Variants in NF2 observed in about 807,000 individuals in gnomAD.
NF2 encodes merlin.
NF2 carries 8 observed loss-of-function variants against 83.7 expected under a neutral mutation model. The observed-to-expected ratio is 0.10, with a 90% CI of 0.06 to 0.17. The LOEUF is 0.17. Ranked by LOEUF, NF2 falls within the 10% of genes least tolerant of loss-of-function variation. NF2 has a pLI of 1.00. For missense variants in NF2, 533 were observed against 744.4 expected (o/e 0.72, Z 3.31); for synonymous variants, 266 against 269.6 (o/e 0.99, Z 0.13).
intron 1 of NF2, among the ~76,000 whole-genome samples, chr22:29,607,736 A>G (rs1046596905): frequency 6.6e-6 from 1 of 152,212 alleles, no homozygotes; most frequent in Non-Finnish European, 1.5e-5. Context: ...ATATATTCAC[A>G]GTACTATATA....
intron 4 of NF2, 137 bp from the exon 5 acceptor site, chr22:29,654,520 A>G (rs981165420): frequency 1.5e-5 from 11 of 758,042 alleles, no homozygotes; most frequent in Non-Finnish European, 2.4e-5. Context: ...ACAAACTAGC[A>G]AGGTTGAAAT....
chr22:29,618,309 G>GGA, intron 1 of NF2, among the ~76,000 whole-genome samples: 1 of 152,226 alleles, frequency 6.6e-6, no homozygotes, highest in African/African-American at 2.4e-5. Flanking sequence ...TGAAAAAAAA[G>GGA]GAGAGAGAGA....
rs530886264 is a variant in NF2 at position 29,682,967 on chromosome 22, T to C, written c.1737+1366T>C. 9 of 1,605,482 alleles carry C rather than the reference T, an allele frequency of 5.6e-6. 1 individual carries two copies. In the Middle Eastern group the frequency reaches 5.0e-4, roughly 89 times the overall value. On this transcript the variant is annotated intron_variant, in intron 15 of 15. Transcript: ENST00000338641. The stretch of plus-strand genomic sequence containing the variant: ...TTTGCAGATGGCACTTATGGCATTG[T>C]TGATATCACAGGGTATGTTTTTGTT...
intron 4 of NF2, among the ~76,000 whole-genome samples, chr22:29,652,002 C>G (rs933223402): frequency 6.6e-6 from 1 of 152,008 alleles, no homozygotes; most frequent in African/African-American, 2.4e-5. Context: ...ATAATAATAC[C>G]TGACTTTCAC....
chr22:29,641,780 C>T (rs1160607347), intron 3 of NF2, among the ~76,000 whole-genome samples: 1 of 152,070 alleles, frequency 6.6e-6, no homozygotes, highest in Non-Finnish European at 1.5e-5. Context: ...AACTCAGTGG[C>T]CTTGGTGACT....
intron 2 of NF2, 33 bp from the exon 3 acceptor site, chr22:29,639,057 A>C: frequency 6.2e-7 from 1 of 1,614,178 alleles, no homozygotes; most frequent in Non-Finnish European, 8.5e-7. Context: ...GTGCCAATAT[A>C]GTGTGTTTGT....
At chr22:29,678,871 G>A (rs1002127399) in intron 14 of NF2, among the ~76,000 whole-genome samples, 6 of 152,230 alleles carry the variant, frequency 3.9e-5, no homozygotes, top group African/African-American at 4.8e-5. Flanking sequence ...GCTGCCCTCC[G>A]TCTTCCCTTT....
intron 10 of NF2, among the ~76,000 whole-genome samples, chr22:29,668,661 T>A (rs1461276741): frequency 5.9e-5 from 9 of 152,214 alleles, no homozygotes; most frequent in African/African-American, 2.2e-4. Flanking sequence ...AAAAGAAACA[T>A]CTCTAGTAAT....
intron 11 of NF2, among the ~76,000 whole-genome samples, chr22:29,672,164 T>C (rs1200187670): frequency 1.3e-5 from 2 of 152,196 alleles, no homozygotes; most frequent in Non-Finnish European, 2.9e-5. Context: ...CACCACGAGG[T>C]TGCCTTTATA....
intron 1 of NF2, among the ~76,000 whole-genome samples, chr22:29,623,379 C>T (rs949281389): frequency 2.6e-5 from 4 of 152,030 alleles, no homozygotes; most frequent in Non-Finnish European, 5.9e-5. Context: ...AAGTGGTTGG[C>T]ATGCAAAATG....
chr22:29,639,203 C>T lies in NF2; in HGVS notation c.354C>T (p.Phe118=), dbSNP rs756564761. 6.9e-5 allele frequency: 112 copies of T among 1,614,042 alleles called. No homozygotes were observed. Among genetic ancestry groups the T allele is most frequent in the Non-Finnish European group, 7.8e-5 (92 of 1,180,012 alleles). ...ELVQEITQHL[F]FLQVKKQILD... Reference sequence around the variant, plus strand: ...TTCAGGAGATCACACAACATTTATTCTTCTTACAGGTACATCAGTCAAGGC... The same window carrying T: ...TTCAGGAGATCACACAACATTTATTTTTCTTACAGGTACATCAGTCAAGGC... Residue 118 remains phenylalanine (F), a synonymous_variant, in exon 3 of 16, where the codon TTC becomes TTT. Transcript: ENST00000338641.
intron 14 of NF2, among the ~76,000 whole-genome samples, chr22:29,678,940 C>G (rs1456042143): frequency 6.6e-6 from 1 of 152,242 alleles, no homozygotes; most frequent in African/African-American, 2.4e-5. Context: ...CAGAGGAAAT[C>G]TAAGCGAGGG....
intron 3 of NF2, among the ~76,000 whole-genome samples, chr22:29,641,838 A>G (rs2065818550): frequency 1.3e-5 from 2 of 152,176 alleles, no homozygotes; most frequent in East Asian, 1.9e-4. Flanking sequence ...CTCTGGGGCC[A>G]TGCATATTCA....
chr22:29,673,301 T>C lies in NF2; in HGVS notation c.1155T>C (p.Ala385=), dbSNP rs745717285. Residue 385 remains alanine (A), a synonymous_variant, in exon 12 of 16, where the codon GCT becomes GCC. Transcript: ENST00000338641. ...MRSEETADLL[A]EKAQITEEEA... The stretch of plus-strand genomic sequence containing the variant: ...CTGAGGAGACAGCTGACCTGTTGGC[T>C]GAAAAGGCCCAGATCACCGAGGAGG... 6 of 1,587,604 alleles carry C rather than the reference T, an allele frequency of 3.8e-6. No individual in the cohort carries two copies. The highest frequency in any genetic ancestry group is 5.1e-6 in the Non-Finnish European group (6 of 1,167,556).
At chr22:29,641,003 C>A (rs1363671375) in intron 3 of NF2, among the ~76,000 whole-genome samples, 3 of 152,134 alleles carry the variant, frequency 2.0e-5, no homozygotes, top group Non-Finnish European at 4.4e-5. Flanking sequence ...CATGGTGGCA[C>A]ATGCCTGTAA....
rs193085141 is a variant in NF2, at chr22:29,605,408, C to T, written c.114+1296C>T. On this transcript the variant is annotated intron_variant, in intron 1 of 15. Transcript: ENST00000338641. ...TCGAACTCCTGACCTCGTGACCAGC[C>T]GACCTGGGCCTCCCAAAGTGGTGGG... Among the ~76,000 whole-genome samples the T allele has an allele frequency of 1.2e-4, 19 of 152,126 alleles. No homozygotes were observed. The South Asian group carries it at 2.9e-3, about 23-fold the overall frequency.
At chr22:29,624,278 G>T (rs544252543) in intron 1 of NF2, among the ~76,000 whole-genome samples, 2 of 152,272 alleles carry the variant, frequency 1.3e-5, no homozygotes, top group African/African-American at 4.8e-5. Context: ...CACGATCTCG[G>T]CTCACTGCAA....
intron 1 of NF2, among the ~76,000 whole-genome samples, chr22:29,622,460 T>C (rs1343250587): frequency 6.6e-6 from 1 of 152,166 alleles, no homozygotes; most frequent in Admixed American, 6.5e-5. Flanking sequence ...TGCTCCTGCC[T>C]GTATTCAGCC....
At position 29,695,659 on chromosome 22, in the gene NF2, A is replaced by T. The variant is rs2067530129; in HGVS notation, c.*857A>T. 4.3e-6 allele frequency: 1 copy of T among 233,606 alleles called. No homozygotes were observed. 14.5% of individuals were successfully genotyped at this position (233,606 alleles called of 1,614,324 possible). A position where few individuals can be genotyped will look rare whatever the true frequency, so the allele number is the denominator to read the frequency against. ...ACTCCCTGGTCGTACTGCAGTCAGCACCCGTAACCCGGCTATGACCAGGGA... is the reference window on the plus strand; with the variant it reads ...ACTCCCTGGTCGTACTGCAGTCAGCTCCCGTAACCCGGCTATGACCAGGGA... On this transcript the variant is annotated 3_prime_UTR_variant, in exon 16 of 16. Coordinates refer to ENST00000338641, the MANE Select transcript of NF2 (RefSeq NM_000268.4). The surrounding 1 kb of genome is among the most constrained non-coding windows in gnomAD (Gnocchi z 5.4).
Sources: gnomAD v4.1 joint callset for allele counts (sites outside exome capture counted in the v4.1 genomes callset) on GRCh38, gnomAD v4.1.1 for gene constraint, Gnocchi (gnomAD v3.1) non-coding constraint, MANE v1.5 for transcripts, NCBI Gene and HGNC (gene_info 2026-07-23, HGNC 2026-07-21) for gene names.